The following REEP6 variants were observed in gnomAD, a reference collection of about 807,000 sequenced individuals.
The protein encoded by REEP6 is receptor expression-enhancing protein 6.
Under a neutral mutation model 22.4 loss-of-function variants are expected in REEP6, and 19 were observed. That is an observed-to-expected ratio of 0.85 (90% CI 0.59 to 1.25). The LOEUF is 1.25. Among genes scored for constraint, REEP6 ranks in the 50% most tolerant of loss-of-function variants. The probability of loss-of-function intolerance (pLI) is 0.00; values close to 1 mark genes in which losing one functional copy is unlikely to be tolerated. For missense variants in REEP6, 273 were observed against 251.9 expected (o/e 1.08, Z -0.57); for synonymous variants, 121 against 113.6 (o/e 1.06, Z -0.41).
At chr19:1,495,845 C>T in intron 3 of REEP6, 1 of 609,864 alleles carries the variant, frequency 1.6e-6, no homozygotes. Flanking sequence ...TGGTGGAGGG[C>T]TCACCCTACA....
chr19:1,496,278 C>T lies in REEP6; in HGVS notation c.349-7C>T, dbSNP rs557527607. On this transcript the variant is annotated splice_region_variant and splice_polypyrimidine_tract_variant and intron_variant, in intron 3 of 4. Transcript: ENST00000233596. ...GGCCCGCGTGTAACTCCTGCCCCGCCCTGCAGTGCGCCTTCCTGTTGTTCT... is the reference window on the plus strand; with the variant it reads ...GGCCCGCGTGTAACTCCTGCCCCGCTCTGCAGTGCGCCTTCCTGTTGTTCT... 3 of 1,600,066 alleles carry T rather than the reference C, an allele frequency of 1.9e-6. No individual in the cohort carries two copies. Among genetic ancestry groups the T allele is most frequent in the African/African-American group, 2.7e-5 (2 of 74,754 alleles).
chr19:1,491,199 G>A lies in REEP6; in HGVS notation c.-71G>A. The A allele has an allele frequency of 9.1e-6, 10 of 1,096,378 alleles. No individual in the cohort carries two copies. Among genetic ancestry groups the A allele is most frequent in the Non-Finnish European group, 1.2e-5 (10 of 808,620 alleles). The allele number at this position is 1,096,378 out of a possible 1,614,324, so 67.9% of individuals were successfully genotyped here. On this transcript the variant is annotated 5_prime_UTR_variant, in exon 1 of 5. Coordinates refer to ENST00000233596, the MANE Select transcript of REEP6 (RefSeq NM_138393.4). This position sits in a 1 kb window ranked among gnomAD's most constrained non-coding sequence, Gnocchi z 5.4. ...GCGGCTCAGGCTGCGGGAAAGCGGT[G>A]CGCGTGCAGCGGGGTGGGTGCCCTG...
In REEP6 at chr19:1,496,703, T is replaced by A. The variant is rs1326378860; in HGVS notation, c.517+250T>A. 4.5e-6 allele frequency: 3 copies of A among 662,534 alleles called. No homozygotes were observed. In the Admixed American group the frequency reaches 6.8e-5, roughly 15 times the overall value. 41.0% of individuals were successfully genotyped at this position (662,534 alleles called of 1,614,324 possible). On this transcript the variant is annotated intron_variant, in intron 4 of 4. Coordinates refer to ENST00000233596, the MANE Select transcript of REEP6 (RefSeq NM_138393.4). ...AACCGCTGTGGGGAGATAGGAGCTG[T>A]GTGTGTGTGTGTGTGCGCGCGCGCG...
chr19:1,495,485 A>G lies in REEP6; in HGVS notation c.226A>G (p.Ser76Gly). Residue 76 changes from serine to glycine, a missense_variant, in exon 3 of 5, where the codon AGC (serine) becomes GGC (glycine). Ser to Gly is a moderately conservative substitution (Grantham distance 56, BLOSUM62 0). Coordinates refer to ENST00000233596, the MANE Select transcript of REEP6 (RefSeq NM_138393.4). ...TCCCTGCAGAATCAAAGCTATCGAG[A>G]GCCCAAGCAAGGACGACGACACTGT... Reference protein sequence around the residue: ...PAYASIKAIESPSKDDDTVWL... With the variant: ...PAYASIKAIEGPSKDDDTVWL... The G allele has an allele frequency of 6.2e-7, 1 of 1,613,982 alleles. No individual in the cohort carries two copies. Among genetic ancestry groups the G allele is most frequent in the Non-Finnish European group, 8.5e-7 (1 of 1,179,996 alleles).
Position 1,495,843 on chromosome 19 carries a change from G to A in REEP6, c.348+236G>A, listed in dbSNP as rs1366226767. 6.6e-6 allele frequency: 4 copies of A among 608,964 alleles called. No individual in the cohort carries two copies. The Admixed American group carries it at 1.2e-4, about 18-fold the overall frequency. 37.7% of individuals were successfully genotyped at this position (608,964 alleles called of 1,614,324 possible). A position where few individuals can be genotyped will look rare whatever the true frequency, so the allele number is the denominator to read the frequency against. On this transcript the variant is annotated intron_variant, in intron 3 of 4. Transcript: ENST00000233596. Reference sequence around the variant, plus strand: ...TCCAATAGGATGTCCGATGGTGGAGGGCTCACCCTACAGGATGTCTGATGG... The same window carrying A: ...TCCAATAGGATGTCCGATGGTGGAGAGCTCACCCTACAGGATGTCTGATGG...
At position 1,496,568 on chromosome 19, in the gene REEP6, T is replaced by C. The variant is rs775461989; in HGVS notation, c.517+115T>C. 1.3e-5 allele frequency: 16 copies of C among 1,241,796 alleles called. No individual in the cohort carries two copies. In the East Asian group the frequency reaches 4.0e-4, roughly 31 times the overall value. The allele number at this position is 1,241,796 out of a possible 1,614,324, so 76.9% of individuals were successfully genotyped here. A position where few individuals can be genotyped will look rare whatever the true frequency, so the allele number is the denominator to read the frequency against. On this transcript the variant is annotated intron_variant, in intron 4 of 4. Transcript: ENST00000233596. ...CGCCCCCTCTCACTGTCCGCCTCTC[T>C]CTCTCACGCTTCCGGGAACCAGTCT... is the stretch of plus-strand genomic sequence containing the variant.
At chr19:1,494,872 G>T (rs951141512) in intron 1 of REEP6, among the ~76,000 whole-genome samples, 1 of 152,198 alleles carries the variant, frequency 6.6e-6, no homozygotes. Context: ...TTTTAGTAGA[G>T]ATGGGGTTTC....
intron 4 of REEP6, chr19:1,496,797 AAG>A (rs1364766653): frequency 8.5e-6 from 5 of 590,336 alleles, no homozygotes; most frequent in Non-Finnish European, 1.6e-5. Flanking sequence ...TGTCATGTGC[AAG>A]AGGGTGCGTG....
At chr19:1,495,198 C>T (rs555072909) in intron 1 of REEP6, 96 bp from the exon 2 acceptor site, 19 of 1,164,814 alleles carry the variant, frequency 1.6e-5, no homozygotes, top group Middle Eastern at 4.1e-4. Flanking sequence ...GAGGAGGTGA[C>T]GGTTGCAGTC....
intron 1 of REEP6, among the ~76,000 whole-genome samples, chr19:1,493,164 C>T (rs1248493075): frequency 6.6e-6 from 1 of 152,060 alleles, no homozygotes; most frequent in Non-Finnish European, 1.5e-5. Flanking sequence ...CCAAGGTCAT[C>T]CTCCCGTCGC....
rs2084939107 is a variant in REEP6, at chr19:1,491,499, GCGAGGTGACTGGGACCTCGAGGTCCGCC to G, written c.115+118_115+145del. Reference sequence around the variant, plus strand: ...GGGTCCGGTCCGGCCGGTGGAGCGCGCGAGGTGACTGGGACCTCGAGGTCCGCCCGCAGCCCTTCCCTTGCCCGCGCCC... The same window carrying G: ...GGGTCCGGTCCGGCCGGTGGAGCGCGCGCAGCCCTTCCCTTGCCCGCGCCC... On this transcript the variant is annotated intron_variant, in intron 1 of 4. Transcript: ENST00000233596. The surrounding 1 kb of genome is among the most constrained non-coding windows in gnomAD (Gnocchi z 5.4). The G allele has an allele frequency of 3.6e-5, 24 of 671,940 alleles. No homozygotes were observed. The highest frequency in any genetic ancestry group is 5.3e-5 in the Non-Finnish European group (24 of 454,774). 41.6% of individuals were successfully genotyped at this position (671,940 alleles called of 1,614,324 possible). A position where few individuals can be genotyped will look rare whatever the true frequency, so the allele number is the denominator to read the frequency against.
At chr19:1,495,779 C>T (rs952755554) in intron 3 of REEP6, 172 bp downstream of exon 3, 11 of 834,248 alleles carry the variant, frequency 1.3e-5, no homozygotes, top group Non-Finnish European at 2.0e-5. Context: ...GTGGAGGGCC[C>T]ACCCTGAAGG....
chr19:1,493,616 A>G (rs1175589105), intron 1 of REEP6, among the ~76,000 whole-genome samples: 2 of 151,654 alleles, frequency 1.3e-5, no homozygotes, highest in African/African-American at 4.8e-5. Context: ...AATTCAGGAA[A>G]AGCACAAAAC....
At chr19:1,496,475 G>T (rs1212099663) in intron 4 of REEP6, 22 bp downstream of exon 4, 1 of 1,605,122 alleles carries the variant, frequency 6.2e-7, no homozygotes, top group Non-Finnish European at 8.5e-7. Context: ...CAGGCGCCTG[G>T]CTGCCTCAGG....
chr19:1,491,472 CG>C lies in REEP6; in HGVS notation c.115+92del, dbSNP rs1318652633. On this transcript the variant is annotated intron_variant, in intron 1 of 4. Coordinates refer to ENST00000233596, the MANE Select transcript of REEP6 (RefSeq NM_138393.4). This position sits in a 1 kb window ranked among gnomAD's most constrained non-coding sequence, Gnocchi z 5.4. ...GCAGACCGGACTCCTTCCCCGGCTA[CG>C]GGGTCCGGTCCGGCCGGTGGAGCGC... 3 of 962,324 alleles carry C rather than the reference CG, an allele frequency of 3.1e-6. No homozygotes were observed. Among genetic ancestry groups the C allele is most frequent in the Non-Finnish European group, 2.8e-6 (2 of 706,308 alleles). The allele number at this position is 962,324 out of a possible 1,614,324, so 59.6% of individuals were successfully genotyped here.
chr19:1,493,957 A>G (rs866429710), intron 1 of REEP6, among the ~76,000 whole-genome samples: 2 of 152,170 alleles, frequency 1.3e-5, no homozygotes, highest in South Asian at 4.1e-4. Flanking sequence ...GCATGGTGGT[A>G]CGCTCAGCTA....
chr19:1,493,997 G>A (rs1041370484), intron 1 of REEP6, among the ~76,000 whole-genome samples: 1 of 152,194 alleles, frequency 6.6e-6, no homozygotes, highest in African/African-American at 2.4e-5. Context: ...AGAATCACTT[G>A]AGCCTGGGAG....
At chr19:1,493,368 C>T (rs74551802) in intron 1 of REEP6, among the ~76,000 whole-genome samples, 203 of 152,192 alleles carry the variant, frequency 1.3e-3, no homozygotes, top group African/African-American at 4.6e-3. Context: ...CTCCTGGGAC[C>T]AGCTGGGGGA....
chr19:1,496,474 G>A, intron 4 of REEP6, 21 bp downstream of exon 4: 1 of 1,605,574 alleles, frequency 6.2e-7, no homozygotes, highest in South Asian at 1.1e-5. Flanking sequence ...GCAGGCGCCT[G>A]GCTGCCTCAG....
Sources: gnomAD v4.1 joint callset for allele counts (sites outside exome capture counted in the v4.1 genomes callset) on GRCh38, gnomAD v4.1.1 for gene constraint, Gnocchi (gnomAD v3.1) non-coding constraint, MANE v1.5 for transcripts, NCBI Gene and HGNC (gene_info 2026-07-23, HGNC 2026-07-21) for gene names.